PHACTR2: variants seen among roughly 807,000 people sequenced by gnomAD.
PHACTR2 encodes the protein chromosome 6 open reading frame 56.
PHACTR2 carries 30 observed loss-of-function variants against 76.0 expected under a neutral mutation model. That is an observed-to-expected ratio of 0.39 (90% CI 0.30 to 0.54). The LOEUF (loss-of-function observed/expected upper bound fraction) is 0.54. PHACTR2 is among the 20% of genes least tolerant of loss of function. The pLI is 0.61. For missense variants in PHACTR2, 696 were observed against 781.1 expected (o/e 0.89, Z 1.30); for synonymous variants, 292 against 292.5 (o/e 1.00, Z 0.02).
At chr6:143,693,929 T>C (rs1381511095) in intron 1 of PHACTR2, among the ~76,000 whole-genome samples, 1 of 152,064 alleles carries the variant, frequency 6.6e-6, no homozygotes, top group Non-Finnish European at 1.5e-5. Context: ...ATTATGTGGG[T>C]GTGGTGGTGT....
At chr6:143,588,048 T>TAA (rs1410586615) in intron 1 of PHACTR2, among the ~76,000 whole-genome samples, 1 of 151,162 alleles carries the variant, frequency 6.6e-6, no homozygotes, top group Non-Finnish European at 1.5e-5. Flanking sequence ...TAAAATAAAA[T>TAA]AAAATACTAG....
At position 143,608,341 on chromosome 6, in the gene PHACTR2, A is replaced by G; in HGVS notation, c.13+19A>G. On this transcript the variant is annotated intron_variant, in intron 1 of 11. Transcript: ENST00000305766. The surrounding 1 kb of genome is among the most constrained non-coding windows in gnomAD (Gnocchi z 4.6). ...AACGCCGGTGGGTAAATCAAGCATG[A>G]ATTCTTCATAGCTGCTGGCTTCCTT... is the stretch of plus-strand genomic sequence containing the variant. The G allele has an allele frequency of 6.2e-7, 1 of 1,613,692 alleles. No individual in the cohort carries two copies. Among genetic ancestry groups the G allele is most frequent in the Non-Finnish European group, 8.5e-7 (1 of 1,179,592 alleles).
chr6:143,733,386 T>G lies in PHACTR2; in HGVS notation c.215-15599T>G, dbSNP rs1778748981. 6.6e-6 allele frequency among the ~76,000 whole-genome samples: 1 copy of G among 152,238 alleles called. No individual in the cohort carries two copies. The highest frequency in any genetic ancestry group is 6.5e-5 in the Admixed American group (1 of 15,276). On this transcript the variant is annotated intron_variant, in intron 2 of 12. Coordinates refer to ENST00000440869, the MANE Select transcript of PHACTR2 (RefSeq NM_001100164.2). This position sits in a 1 kb window ranked among gnomAD's most constrained non-coding sequence, Gnocchi z 4.0. The stretch of plus-strand genomic sequence containing the variant: ...AAAGAAACTTGTATAGTGCCTGGCT[T>G]ATGTTAAACATTCAGTAAATGTATA...
chr6:143,655,853 G>C (rs908994583), intron 1 of PHACTR2, among the ~76,000 whole-genome samples: 3 of 152,184 alleles, frequency 2.0e-5, no homozygotes, highest in Non-Finnish European at 4.4e-5. Context: ...AGTCAAACCT[G>C]TCTACTGAGA....
chr6:143,731,502 G>T lies in PHACTR2; in HGVS notation c.215-17483G>T, dbSNP rs901101820. The stretch of plus-strand genomic sequence containing the variant: ...GGGTTTCTCCATGTTGGTCAGGCTG[G>T]TCTCGAACTCTGGACCTCAGGTGAT... On this transcript the variant is annotated intron_variant, in intron 2 of 12. Transcript: ENST00000440869. The surrounding 1 kb of genome is among the most constrained non-coding windows in gnomAD (Gnocchi z 4.9). Among the ~76,000 whole-genome samples the T allele has an allele frequency of 6.6e-6, 1 of 152,082 alleles. No individual in the cohort carries two copies. The highest frequency in any genetic ancestry group is 2.4e-5 in the African/African-American group (1 of 41,420).
chr6:143,783,754 A>C lies in PHACTR2; in HGVS notation c.1707+474A>C, dbSNP rs1338130001. On this transcript the variant is annotated intron_variant, in intron 10 of 12. Coordinates refer to ENST00000440869, the MANE Select transcript of PHACTR2 (RefSeq NM_001100164.2). This position sits in a 1 kb window ranked among gnomAD's most constrained non-coding sequence, Gnocchi z 5.2. ...TTGCATTTACTCCATGAAAGTATGT[A>C]CTCTGTGTGAAAATTTTTAAAGACA... Among the ~76,000 whole-genome samples, 2 of 152,352 alleles carry C rather than the reference A, an allele frequency of 1.3e-5. No individual in the cohort carries two copies. The highest frequency in any genetic ancestry group is 3.9e-4 in the East Asian group (2 of 5,192).
chr6:143,559,934 A>G (rs1270571796), intron 1 of PHACTR2, among the ~76,000 whole-genome samples: 3 of 151,516 alleles, frequency 2.0e-5, no homozygotes, highest in Non-Finnish European at 4.4e-5. Context: ...TGGTCTTGAA[A>G]TCCCAACCTC....
intron 1 of PHACTR2, among the ~76,000 whole-genome samples, chr6:143,660,346 A>T (rs1272879718): frequency 6.6e-6 from 1 of 152,160 alleles, no homozygotes; most frequent in Non-Finnish European, 1.5e-5. Context: ...TCTTACATGG[A>T]TGGCAGCAGG....
rs1231697459 is a variant in PHACTR2 at position 143,557,435 on chromosome 6, C to G, written c.217+20228C>G. ...CTGCCGTAACCCCATTCGTTGCACT[C>G]CCACATTTGCTGGAACTGGAGCTTT... On this transcript the variant is annotated intron_variant, in intron 1 of 11. Transcript: ENST00000367584. The surrounding 1 kb of genome is among the most constrained non-coding windows in gnomAD (Gnocchi z 5.5). The G allele has an allele frequency of 6.6e-6, 1 of 152,240 alleles. No homozygotes were observed. The highest frequency in any genetic ancestry group is 2.4e-5 in the African/African-American group (1 of 41,404). The allele number at this position is 152,240 out of a possible 1,614,324, so 9.4% of individuals were successfully genotyped here. A position where few individuals can be genotyped will look rare whatever the true frequency, so the allele number is the denominator to read the frequency against.
At chr6:143,567,531 T>C (rs1215036823) in intron 1 of PHACTR2, among the ~76,000 whole-genome samples, 1 of 152,228 alleles carries the variant, frequency 6.6e-6, no homozygotes, top group African/African-American at 2.4e-5. Flanking sequence ...CCTGCGTAGC[T>C]GGAACTACAG....
chr6:143,687,392 CT>C (rs1298021381), intron 1 of PHACTR2, among the ~76,000 whole-genome samples: 2 of 152,160 alleles, frequency 1.3e-5, no homozygotes, highest in African/African-American at 2.4e-5. Flanking sequence ...ATTCCAACAT[CT>C]TTTCTTTGGG....
At position 143,541,302 on chromosome 6, in the gene PHACTR2, C is replaced by T. The variant is rs1781169131; in HGVS notation, c.217+4095C>T. On this transcript the variant is annotated intron_variant, in intron 1 of 11. Coordinates refer to the PHACTR2 transcript ENST00000367584. This position sits in a 1 kb window ranked among gnomAD's most constrained non-coding sequence, Gnocchi z 5.3. Reference sequence around the variant, plus strand: ...AGCACAGTGTTTAGTAAGTAAAGAACCTGAAGACACACAGCCAGGGGCATA... The same window carrying T: ...AGCACAGTGTTTAGTAAGTAAAGAATCTGAAGACACACAGCCAGGGGCATA... Among the ~76,000 whole-genome samples, 1 of 152,128 alleles carries T rather than the reference C, an allele frequency of 6.6e-6. No individual in the cohort carries two copies. The highest frequency in any genetic ancestry group is 1.5e-5 in the Non-Finnish European group (1 of 68,024).
At chr6:143,790,438 C>T (rs541109084) in intron 11 of PHACTR2, among the ~76,000 whole-genome samples, 63 of 152,122 alleles carry the variant, frequency 4.1e-4, no homozygotes, top group African/African-American at 1.2e-3. Flanking sequence ...CCCTTGAGGA[C>T]GGAGGGAGAG....
intron 6 of PHACTR2, among the ~76,000 whole-genome samples, chr6:143,771,500 G>T (rs1028878431): frequency 6.6e-6 from 1 of 151,302 alleles, no homozygotes; most frequent in South Asian, 2.1e-4. Context: ...GCAATGGCGC[G>T]ATCTTGGCTC....
rs144768514 is a variant in PHACTR2, at chr6:143,768,342, C to T, written c.1232+2544C>T. 4.4e-3 allele frequency among the ~76,000 whole-genome samples: 675 copies of T among 152,252 alleles called. 6 individuals are homozygous for T. Among genetic ancestry groups the T allele is most frequent in the African/African-American group, 0.016 (645 of 41,540 alleles). On this transcript the variant is annotated intron_variant, in intron 6 of 12. Transcript: ENST00000440869. ...TTTCTGTGCTGGGCAATGTACTAAG[C>T]ACCAAGGATACAAAAGTGAGCAAGG...
intron 1 of PHACTR2, among the ~76,000 whole-genome samples, chr6:143,615,185 C>T (rs1776041046): frequency 6.6e-6 from 1 of 152,140 alleles, no homozygotes; most frequent in African/African-American, 2.4e-5. Context: ...GCTAAGAGCT[C>T]ACCCAATAAA....
Position 143,598,192 on chromosome 6 carries a change from A to T in PHACTR2, c.217+60985A>T, listed in dbSNP as rs763373979. ...AGATGTGAAGACGTTAAGGATGTTG[A>T]CTTAATGATCCTGGGCGAAATGATC... On this transcript the variant is annotated intron_variant, in intron 1 of 11. Transcript: ENST00000367584. The surrounding 1 kb of genome is among the most constrained non-coding windows in gnomAD (Gnocchi z 4.1). Among the ~76,000 whole-genome samples the T allele has an allele frequency of 4.3e-4, 65 of 152,112 alleles. No individual in the cohort carries two copies. The highest frequency in any genetic ancestry group is 8.4e-4 in the Non-Finnish European group (57 of 68,028).
chr6:143,567,380 T>G (rs1367339040), intron 1 of PHACTR2, among the ~76,000 whole-genome samples: 1 of 152,030 alleles, frequency 6.6e-6, no homozygotes, highest in Non-Finnish European at 1.5e-5. Flanking sequence ...ATTTATTGAC[T>G]TTTATTTATT....
intron 1 of PHACTR2, among the ~76,000 whole-genome samples, chr6:143,538,404 G>A (rs373584342): frequency 1.9e-4 from 29 of 152,366 alleles, no homozygotes; most frequent in African/African-American, 6.3e-4. Flanking sequence ...TTGTAGGACT[G>A]TTTTTTAAAA....
Sources: gnomAD v4.1 joint callset for allele counts (sites outside exome capture counted in the v4.1 genomes callset) on GRCh38, gnomAD v4.1.1 for gene constraint, Gnocchi (gnomAD v3.1) non-coding constraint, MANE v1.5 for transcripts, NCBI Gene and HGNC (gene_info 2026-07-23, HGNC 2026-07-21) for gene names.